Variants in PAPPA2 observed in about 807,000 individuals in gnomAD.
PAPPA2 encodes pappalysin 2, also known as pappalysin-2.
PAPPA2 carries 86 observed loss-of-function variants against 176.4 expected under a neutral mutation model. The ratio of observed to expected loss-of-function variants is 0.49; its 90% CI spans 0.41 to 0.58. The LOEUF (loss-of-function observed/expected upper bound fraction) is 0.58. Ranked by LOEUF, PAPPA2 falls within the 20% of genes least tolerant of loss-of-function variation. PAPPA2 has a pLI of 0.00. For missense variants in PAPPA2, 2,073 were observed against 2,256.9 expected (o/e 0.92, Z 1.65); for synonymous variants, 809 against 852.2 (o/e 0.95, Z 0.88).
intron 12 of PAPPA2, among the ~76,000 whole-genome samples, chr1:176,726,375 C>T (rs1362845535): frequency 6.6e-6 from 1 of 152,108 alleles, no homozygotes; most frequent in African/African-American, 2.4e-5. Context: ...GATCTCGGGA[C>T]AGAGGCCATG....
intron 1 of PAPPA2, among the ~76,000 whole-genome samples, chr1:176,496,255 T>C (rs979354515): frequency 3.9e-5 from 6 of 152,210 alleles, no homozygotes; most frequent in Non-Finnish European, 7.3e-5. Flanking sequence ...ATATGGGTAG[T>C]AGCCATTTTT....
chr1:176,506,870 G>A (rs1209313088), intron 1 of PAPPA2, among the ~76,000 whole-genome samples: 2 of 152,092 alleles, frequency 1.3e-5, no homozygotes, highest in Non-Finnish European at 2.9e-5. Context: ...TGCCCCTCTT[G>A]ACATTGGTCT....
intron 2 of PAPPA2, among the ~76,000 whole-genome samples, chr1:176,584,384 T>C (rs964803148): frequency 6.6e-6 from 1 of 151,636 alleles, no homozygotes; most frequent in African/African-American, 2.4e-5. Context: ...CCTGCTGTTA[T>C]TATATAATGC....
chr1:176,811,851 A>C (rs926360713), intron 21 of PAPPA2, among the ~76,000 whole-genome samples: 6 of 152,174 alleles, frequency 3.9e-5, no homozygotes, highest in Non-Finnish European at 7.3e-5. Context: ...CCAAATGTTA[A>C]TTAGGACTAG....
intron 2 of PAPPA2, among the ~76,000 whole-genome samples, chr1:176,580,792 C>A (rs1255774473): frequency 6.6e-6 from 1 of 152,128 alleles, no homozygotes; most frequent in Non-Finnish European, 1.5e-5. Flanking sequence ...TGAGAAATAT[C>A]TGTTCAGATC....
intron 1 of PAPPA2, among the ~76,000 whole-genome samples, chr1:176,490,911 A>C (rs919922855): frequency 1.3e-5 from 2 of 152,194 alleles, no homozygotes; most frequent in African/African-American, 4.8e-5. Flanking sequence ...TCCCAGTCTG[A>C]AATATGGACT....
chr1:176,763,780 G>A (rs1256937124), intron 14 of PAPPA2, among the ~76,000 whole-genome samples: 1 of 152,172 alleles, frequency 6.6e-6, no homozygotes, highest in African/African-American at 2.4e-5. Context: ...AATTTAGAAG[G>A]GAGTTATTTT....
intron 4 of PAPPA2, among the ~76,000 whole-genome samples, chr1:176,688,490 C>T (rs1036414733): frequency 3.3e-5 from 5 of 152,002 alleles, no homozygotes; most frequent in South Asian, 2.1e-4. Flanking sequence ...GTTAGCTTAA[C>T]GTTATGTTGA....
chr1:176,588,643 G>A (rs559877163), intron 2 of PAPPA2, among the ~76,000 whole-genome samples: 1 of 152,346 alleles, frequency 6.6e-6, no homozygotes, highest in East Asian at 1.9e-4. Flanking sequence ...GTTTGTGGCA[G>A]CAGTGGCACA....
At chr1:176,596,799 C>T (rs972413374) in intron 3 of PAPPA2, among the ~76,000 whole-genome samples, 3 of 152,092 alleles carry the variant, frequency 2.0e-5, no homozygotes, top group East Asian at 1.9e-4. Flanking sequence ...TCTCATTTGA[C>T]GGCTGTTGCA....
intron 21 of PAPPA2, among the ~76,000 whole-genome samples, chr1:176,823,069 G>A (rs1666725582): frequency 1.3e-5 from 2 of 152,150 alleles, no homozygotes; most frequent in Admixed American, 6.5e-5. Flanking sequence ...AGTAACTATA[G>A]GAAACATTTT....
At chr1:176,671,189 GGGGAAAAAAGAA>G in intron 4 of PAPPA2, 74 bp downstream of exon 4, 5 of 1,572,518 alleles carry the variant, frequency 3.2e-6, no homozygotes, top group Non-Finnish European at 4.3e-6. Context: ...AAGTAAGTTT[GGGGAAAAAAGAA>G]AGACAGAGAA....
intron 14 of PAPPA2, among the ~76,000 whole-genome samples, chr1:176,763,758 T>C (rs890222918): frequency 6.6e-6 from 1 of 152,120 alleles, no homozygotes; most frequent in Non-Finnish European, 1.5e-5. Flanking sequence ...TAACAGAAGA[T>C]AAAGCAAAAG....
chr1:176,570,694 G>A (rs1042432470), intron 2 of PAPPA2, among the ~76,000 whole-genome samples: 1 of 150,266 alleles, frequency 6.7e-6, no homozygotes, highest in Admixed American at 6.6e-5. Context: ...GCCATGGCTG[G>A]TCCCTGGCTG....
intron 3 of PAPPA2, among the ~76,000 whole-genome samples, chr1:176,662,528 CA>C (rs1234097440): frequency 6.6e-6 from 1 of 150,846 alleles, no homozygotes; most frequent in Non-Finnish European, 1.5e-5. Context: ...TAAAATTTAT[CA>C]TTCTTTGCAC....
chr1:176,701,189 A>G (rs1009224629), intron 8 of PAPPA2, among the ~76,000 whole-genome samples: 1 of 152,216 alleles, frequency 6.6e-6, no homozygotes, highest in Non-Finnish European at 1.5e-5. Context: ...CAATTTTTCA[A>G]CTGGATCTCA....
intron 1 of PAPPA2, among the ~76,000 whole-genome samples, chr1:176,473,892 A>G (rs971873282): frequency 6.6e-6 from 1 of 152,122 alleles, no homozygotes; most frequent in African/African-American, 2.4e-5. Context: ...TGTTTTACCT[A>G]CTTCTGAATA....
chr1:176,549,970 G>A (rs1558429403), intron 1 of PAPPA2, among the ~76,000 whole-genome samples: 1 of 152,160 alleles, frequency 6.6e-6, no homozygotes, highest in African/African-American at 2.4e-5. Flanking sequence ...AGCTGTGTAA[G>A]CCCCAAATCT....
At chr1:176,513,039 G>A (rs775967149) in intron 1 of PAPPA2, among the ~76,000 whole-genome samples, 5 of 152,166 alleles carry the variant, frequency 3.3e-5, no homozygotes, top group Admixed American at 2.6e-4. Flanking sequence ...TATACCATCA[G>A]CTCTCTTGCT....
Sources: allele counts gnomAD v4.1 joint callset (sites outside exome capture counted in the v4.1 genomes callset), GRCh38; gene constraint gnomAD v4.1.1; transcripts MANE v1.5; gene names NCBI Gene and HGNC (gene_info 2026-07-23, HGNC 2026-07-21).